ZNF384: variants seen among roughly 807,000 people sequenced by gnomAD.
ZNF384 encodes zinc finger protein 384.
ZNF384 carries 20 observed loss-of-function variants against 65.0 expected under a neutral mutation model. The observed-to-expected ratio is 0.31, with a 90% CI of 0.22 to 0.45. The LOEUF is 0.45. ZNF384 is among the 20% of genes least tolerant of loss of function. The pLI, the probability that ZNF384 is intolerant of heterozygous loss-of-function variation, is 1.00. For missense variants in ZNF384, 549 were observed against 769.4 expected (o/e 0.71, Z 3.39); for synonymous variants, 310 against 303.9 (o/e 1.02, Z -0.21).
chr12:6,676,767 G>C (rs1953784385), intron 7 of ZNF384, among the ~76,000 whole-genome samples: 1 of 152,122 alleles, frequency 6.6e-6, no homozygotes, highest in African/African-American at 2.4e-5. Flanking sequence ...GCCTTTAAAT[G>C]AATCAAACTT....
At chr12:6,688,486 T>C (rs1958772890) in intron 1 of ZNF384, 1 of 152,316 alleles carries the variant, frequency 6.6e-6, no homozygotes, top group Admixed American at 6.5e-5. Context: ...GCTCAGAGAC[T>C]GGTCCTTGTT....
At chr12:6,685,107 G>T (rs554069182) in intron 2 of ZNF384, among the ~76,000 whole-genome samples, 1 of 152,226 alleles carries the variant, frequency 6.6e-6, no homozygotes, top group African/African-American at 2.4e-5. Context: ...AGAATCACTT[G>T]AGCCCAGGAA....
At position 6,667,392 on chromosome 12, in the gene ZNF384, C is replaced by T. The variant is rs1452174302; in HGVS notation, c.*322G>A. ...AGGAGGGTAAGGATAGGGTAAGTGG[C>T]CACACTGGACAAGGTTCTATGAGGT... On this transcript the variant is annotated 3_prime_UTR_variant, in exon 12 of 12. Coordinates refer to ENST00000683879, the MANE Select transcript of ZNF384 (RefSeq NM_001385745.1). 1 of 491,584 alleles carries T rather than the reference C, an allele frequency of 2.0e-6. No individual in the cohort carries two copies. The highest frequency in any genetic ancestry group is 3.3e-5 in the Admixed American group (1 of 30,554). The allele number at this position is 491,584 out of a possible 1,614,324, so 30.5% of individuals were successfully genotyped here.
rs557046398 is a variant in ZNF384 at position 6,685,327 on chromosome 12, A to AGAAAAAAG, written c.-6+2839_-6+2840insCTTTTTTC. Among the ~76,000 whole-genome samples the AGAAAAAAG allele has an allele frequency of 7.4e-3, 1,121 of 152,074 alleles. 14 individuals are homozygous for AGAAAAAAG. The highest frequency in any genetic ancestry group is 0.024 in the Middle Eastern group (7 of 294). ...AAAAGAGTGAGACCCTGTCTCAAAA[A>AGAAAAAAG]GAAAAAAAGAAAAAGAAATAGAAAG... On this transcript the variant is annotated intron_variant, in intron 2 of 11. Transcript: ENST00000683879.
Position 6,672,717 on chromosome 12 carries a change from G to GTTC in ZNF384, c.1005-186_1005-185insGAA, listed in dbSNP as rs1487217173. On this transcript the variant is annotated intron_variant, in intron 8 of 11. Coordinates refer to ENST00000683879, the MANE Select transcript of ZNF384 (RefSeq NM_001385745.1). This position sits in a 1 kb window ranked among gnomAD's most constrained non-coding sequence, Gnocchi z 4.4. ...ACCCAGATCTAGGTTGTTGCTGATC[G>GTTC]TAAGTCGGTGGCTAGAATGGCAGTG... Among the ~76,000 whole-genome samples, 1 of 152,166 alleles carries GTTC rather than the reference G, an allele frequency of 6.6e-6. No homozygotes were observed. The highest frequency in any genetic ancestry group is 1.5e-5 in the Non-Finnish European group (1 of 68,026).
At chr12:6,668,729 AG>A (rs1950428956) in intron 11 of ZNF384, among the ~76,000 whole-genome samples, 1 of 151,354 alleles carries the variant, frequency 6.6e-6, no homozygotes, top group Non-Finnish European at 1.5e-5. Context: ...AAAAAAAAAA[AG>A]AAGAAGAAAA....
chr12:6,672,524 G>A lies in ZNF384; in HGVS notation c.1013C>T (p.Ser338Phe), dbSNP rs776316426. 1.2e-6 allele frequency: 2 copies of A among 1,614,036 alleles called. No individual in the cohort carries two copies. The highest frequency in any genetic ancestry group is 1.7e-6 in the Non-Finnish European group (2 of 1,179,948). ...CTTGATGGTCTCCGTGTGCATCTTG[G>A]AGTGGATCCTGCCGGAGAGGAGAGG... ...SHLQQHTRIH[S>F]KMHTETIKPH... The change falls in exon 9 of 12, where the codon TCC becomes TTC. Residue 338 changes from serine to phenylalanine, a missense_variant. Physicochemically the swap from Ser to Phe is radical, Grantham distance 155. This residue lies in a region of ZNF384 where 59 missense variants were observed against 63.6 expected (regional missense o/e 0.93). Transcript: ENST00000683879. The surrounding 1 kb of genome is among the most constrained non-coding windows in gnomAD (Gnocchi z 4.4).
At chr12:6,675,913 C>T (rs1486995709) in intron 7 of ZNF384, among the ~76,000 whole-genome samples, 1 of 152,112 alleles carries the variant, frequency 6.6e-6, no homozygotes, top group African/African-American at 2.4e-5. Flanking sequence ...GTAACAGAAC[C>T]CAACTGCCCC....
chr12:6,667,074 G>A lies in ZNF384; in HGVS notation c.*640C>T. ...CATAACACACACTTCTAAGCCACCT[G>A]TGACCAACTTGGGAATTTCTGGCCC... On this transcript the variant is annotated 3_prime_UTR_variant, in exon 12 of 12. Coordinates refer to ENST00000683879, the MANE Select transcript of ZNF384 (RefSeq NM_001385745.1). The A allele has an allele frequency of 4.3e-6, 1 of 233,254 alleles. No individual in the cohort carries two copies. The highest frequency in any genetic ancestry group is 8.5e-6 in the Non-Finnish European group (1 of 117,158). The allele number at this position is 233,254 out of a possible 1,614,324, so 14.4% of individuals were successfully genotyped here.
chr12:6,678,062 G>A lies in ZNF384; in HGVS notation c.686+65C>T. On this transcript the variant is annotated intron_variant, in intron 6 of 11. Coordinates refer to ENST00000683879, the MANE Select transcript of ZNF384 (RefSeq NM_001385745.1). The surrounding 1 kb of genome is among the most constrained non-coding windows in gnomAD (Gnocchi z 4.9). Reference sequence around the variant, plus strand: ...GCCTGACCGGGGCAGAACACAATGAGGGTACAGGGAGAATCACCAAGCCAG... The same window carrying A: ...GCCTGACCGGGGCAGAACACAATGAAGGTACAGGGAGAATCACCAAGCCAG... 10 of 1,462,892 alleles carry A rather than the reference G, an allele frequency of 6.8e-6. No individual in the cohort carries two copies. The highest frequency in any genetic ancestry group is 9.4e-6 in the Non-Finnish European group (10 of 1,063,788). 90.6% of individuals were successfully genotyped at this position (1,462,892 alleles called of 1,614,324 possible).
intron 1 of ZNF384, chr12:6,688,692 C>G (rs1159175388): frequency 6.5e-6 from 1 of 152,776 alleles, no homozygotes; most frequent in East Asian, 1.9e-4. Context: ...AGGACTTCGC[C>G]CCCTGCCTAC....
chr12:6,669,232 T>C, intron 10 of ZNF384, 43 bp from the exon 11 acceptor site: 1 of 1,559,298 alleles, frequency 6.4e-7, no homozygotes, highest in South Asian at 1.2e-5. Flanking sequence ...ATTGTACTCT[T>C]TCCTCCTGCC....
intron 2 of ZNF384, among the ~76,000 whole-genome samples, chr12:6,682,118 C>T (rs1438777658): frequency 2.8e-5 from 4 of 143,338 alleles, no homozygotes; most frequent in Admixed American, 1.4e-4. Flanking sequence ...ATATTTGAGA[C>T]CGTGTCTCTA....
At chr12:6,684,823 A>G (rs74057085) in intron 2 of ZNF384, among the ~76,000 whole-genome samples, 3,078 of 152,276 alleles carry the variant, frequency 0.02, 123 homozygotes, top group African/African-American at 0.07. Context: ...GCTAGAATAC[A>G]ATGTAAATGG....
At chr12:6,687,962 G>A (rs1189422891) in intron 2 of ZNF384, among the ~76,000 whole-genome samples, 1 of 152,034 alleles carries the variant, frequency 6.6e-6, no homozygotes, top group African/African-American at 2.4e-5. Flanking sequence ...AAGTGATGGG[G>A]GATAGCGCCA....
chr12:6,668,533 T>C (rs1285987457), intron 11 of ZNF384, among the ~76,000 whole-genome samples: 4 of 151,848 alleles, frequency 2.6e-5, no homozygotes, highest in East Asian at 1.9e-4. Flanking sequence ...TGAAACCCCA[T>C]GTCTACTAAA....
At chr12:6,679,312 C>T (rs1954971993) in intron 3 of ZNF384, 129 bp from the exon 4 acceptor site, 1 of 1,230,206 alleles carries the variant, frequency 8.1e-7, no homozygotes, top group African/African-American at 1.5e-5. Flanking sequence ...CTCTGGCCTT[C>T]TAGAGAGAAG....
chr12:6,677,977 C>T, intron 6 of ZNF384, 150 bp downstream of exon 6: 1 of 716,872 alleles, frequency 1.4e-6, no homozygotes, highest in South Asian at 1.8e-5. Flanking sequence ...TGCCTCCTAT[C>T]CTATGATGGG....
rs1950544122 is a variant in ZNF384, at chr12:6,669,057, T to C, written c.1399A>G (p.Thr467Ala). The C allele has an allele frequency of 6.2e-7, 1 of 1,612,386 alleles. No homozygotes were observed. The highest frequency in any genetic ancestry group is 1.1e-5 in the South Asian group (1 of 90,862). Residue 467 changes from threonine (T) to alanine (A), a missense_variant, in exon 11 of 12, where the codon ACT becomes GCT. By Grantham distance (58) the Thr-to-Ala change is moderately conservative. This residue lies in a region of ZNF384 where 136 missense variants were observed against 183.0 expected (regional missense o/e 0.74). Transcript: ENST00000683879. ...GATGTGTATGCCCGACTGCAGATAG[T>C]GCAGGTGTACACCTTGGCATGCTTC... The part of the protein sequence containing the change: ...TVKHAKVYTC[T>A]ICSRAYTSET...
Sources: gnomAD v4.1 joint callset for allele counts (sites outside exome capture counted in the v4.1 genomes callset) on GRCh38, gnomAD v4.1.1 for gene constraint, gnomAD v4.1.1 regional missense constraint, Gnocchi (gnomAD v3.1) non-coding constraint, MANE v1.5 for transcripts, NCBI Gene and HGNC (gene_info 2026-07-23, HGNC 2026-07-21) for gene names.